Variants in SHISAL1 observed in about 807,000 individuals in gnomAD.
SHISAL1 encodes shisa like 1, also known as protein shisa-like-1.
Under a neutral mutation model 22.6 loss-of-function variants are expected in SHISAL1, and 9 were observed. The ratio of observed to expected loss-of-function variants is 0.40; its 90% CI spans 0.24 to 0.70. The LOEUF is 0.70. Among genes scored for constraint, SHISAL1 ranks in the 30% least tolerant of loss-of-function variants. SHISAL1 has a pLI of 0.39. For missense variants in SHISAL1, 246 were observed against 270.6 expected (o/e 0.91, Z 0.64); for synonymous variants, 119 against 115.4 (o/e 1.03, Z -0.20).
intron 3 of SHISAL1, among the ~76,000 whole-genome samples, chr22:44,292,637 G>T (rs2055360455): frequency 6.6e-6 from 1 of 152,176 alleles, no homozygotes; most frequent in Non-Finnish European, 1.5e-5. Flanking sequence ...GCACACAGAG[G>T]CCCTCTCCAG....
intron 3 of SHISAL1, among the ~76,000 whole-genome samples, chr22:44,293,987 G>A (rs532385202): frequency 6.6e-6 from 1 of 152,164 alleles, no homozygotes; most frequent in African/African-American, 2.4e-5. Flanking sequence ...GAAACTTGTG[G>A]GCTTCAAAAT....
At chr22:44,265,009 C>T (rs969270330) in intron 4 of SHISAL1, among the ~76,000 whole-genome samples, 10 of 144,024 alleles carry the variant, frequency 6.9e-5, no homozygotes, top group African/African-American at 2.7e-4. Flanking sequence ...CAACAGAGAC[C>T]CCAACACACA....
upstream of SHISAL1, among the ~76,000 whole-genome samples, chr22:44,316,095 T>C (rs1429715349): frequency 1.3e-5 from 2 of 152,124 alleles, no homozygotes; most frequent in East Asian, 3.9e-4. Context: ...GGACATGTCA[T>C]TCTGTGACTT....
At chr22:44,284,206 C>A (rs2055295527) in intron 4 of SHISAL1, among the ~76,000 whole-genome samples, 1 of 152,004 alleles carries the variant, frequency 6.6e-6, no homozygotes, top group South Asian at 2.1e-4. Flanking sequence ...GCTATGTGAA[C>A]GATCACTAAC....
chr22:44,288,683 C>T (rs1455262900), intron 3 of SHISAL1, among the ~76,000 whole-genome samples: 1 of 151,722 alleles, frequency 6.6e-6, no homozygotes, highest in Non-Finnish European at 1.5e-5. Context: ...TGCTCCAGCC[C>T]AACATCTCTC....
intron 1 of SHISAL1, among the ~76,000 whole-genome samples, chr22:44,307,201 C>T (rs1341838889): frequency 6.6e-6 from 1 of 152,038 alleles, no homozygotes; most frequent in Non-Finnish European, 1.5e-5. Context: ...CCGAGGCTGG[C>T]TCACTCTGCC....
At chr22:44,250,532 G>A (rs1375245407) in intron 4 of SHISAL1, among the ~76,000 whole-genome samples, 2 of 152,146 alleles carry the variant, frequency 1.3e-5, no homozygotes, top group Non-Finnish European at 2.9e-5. Context: ...GAACCCCACT[G>A]CCCTGTGTCT....
chr22:44,302,184 T>C (rs887483360), intron 1 of SHISAL1, among the ~76,000 whole-genome samples: 7 of 151,452 alleles, frequency 4.6e-5, no homozygotes, highest in Non-Finnish European at 1.0e-4. Context: ...CTACGAAAAA[T>C]ACAAAATTAG....
intron 4 of SHISAL1, 131 bp downstream of exon 4, chr22:44,285,297 G>T: frequency 2.0e-6 from 2 of 1,020,558 alleles, no homozygotes; most frequent in African/African-American, 1.6e-5. Flanking sequence ...ATTTTTCTTG[G>T]CAAACAACAA....
At chr22:44,262,228 G>C (rs2055129918) in intron 4 of SHISAL1, among the ~76,000 whole-genome samples, 1 of 152,238 alleles carries the variant, frequency 6.6e-6, no homozygotes, top group Non-Finnish European at 1.5e-5. Context: ...ACTCCAGGCG[G>C]ACGGAACAGC....
At chr22:44,308,714 C>T (rs1302744339) in intron 1 of SHISAL1, among the ~76,000 whole-genome samples, 1 of 152,212 alleles carries the variant, frequency 6.6e-6, no homozygotes, top group Non-Finnish European at 1.5e-5. Context: ...CTCTGTGCAG[C>T]GTGCCTGGTT....
intron 4 of SHISAL1, among the ~76,000 whole-genome samples, chr22:44,253,425 A>T (rs13055113): frequency 2.8e-5 from 3 of 107,876 alleles, no homozygotes; most frequent in South Asian, 3.3e-4. Flanking sequence ...GTATTAGTGC[A>T]TGTTTTTTTT....
At chr22:44,305,727 C>T (rs2055466067) in intron 1 of SHISAL1, among the ~76,000 whole-genome samples, 2 of 152,220 alleles carry the variant, frequency 1.3e-5, no homozygotes, top group African/African-American at 4.8e-5. Context: ...CTGGGCTTTC[C>T]TTGGGGGTCT....
At position 44,249,485 on chromosome 22, in the gene SHISAL1, C is replaced by A; in HGVS notation, c.*200G>T. The A allele has an allele frequency of 4.0e-6, 2 of 496,876 alleles. No homozygotes were observed. Among genetic ancestry groups the A allele is most frequent in the Non-Finnish European group, 7.5e-6 (2 of 268,406 alleles). The allele number at this position is 496,876 out of a possible 1,614,324, so 30.8% of individuals were successfully genotyped here. ...GTGGCTCAGAATCCCCTCCCCTGCA[C>A]CCCCAGCCCCTACCCCTGAGTTTGC... On this transcript the variant is annotated 3_prime_UTR_variant, in exon 5 of 5. Coordinates refer to ENST00000381176, the MANE Select transcript of SHISAL1 (RefSeq NM_001099294.2).
intron 3 of SHISAL1, among the ~76,000 whole-genome samples, chr22:44,290,529 C>CAAA (rs546640216): frequency 7.4e-4 from 62 of 84,268 alleles, no homozygotes; most frequent in East Asian, 4.7e-3. Context: ...AACTCAGTCT[C>CAAA]AAAAAAAAAA....
At chr22:44,328,715 C>G in the SHISAL1 span, among the ~76,000 whole-genome samples, 1 of 152,138 alleles carries the variant, frequency 6.6e-6, no homozygotes, top group Non-Finnish European at 1.5e-5. Context: ...CCTGTGCCCA[C>G]CTCAACCATG....
the SHISAL1 span, among the ~76,000 whole-genome samples, chr22:44,324,009 G>A: frequency 2.6e-5 from 4 of 152,208 alleles, no homozygotes; most frequent in African/African-American, 7.2e-5. Flanking sequence ...GAGAGGTGCT[G>A]TAATTTGTCC....
chr22:44,283,259 G>C (rs2055289092), intron 4 of SHISAL1, among the ~76,000 whole-genome samples: 1 of 152,210 alleles, frequency 6.6e-6, no homozygotes, highest in Non-Finnish European at 1.5e-5. Context: ...TCCTGAGCCT[G>C]CACTCAGGAC....
chr22:44,247,840 T>C lies in SHISAL1; in HGVS notation c.*1845A>G, dbSNP rs113259439. 6,842 of 148,866 alleles carry C rather than the reference T, an allele frequency of 0.046. 514 individuals carry two copies. The highest frequency in any genetic ancestry group is 0.16 in the African/African-American group (6,444 of 40,192). 9.2% of individuals were successfully genotyped at this position (148,866 alleles called of 1,614,324 possible). On this transcript the variant is annotated 3_prime_UTR_variant, in exon 5 of 5. Coordinates refer to ENST00000381176, the MANE Select transcript of SHISAL1 (RefSeq NM_001099294.2). ...CCAGAGCTGGGCACTATCACCCTCA[T>C]CTCCTTCTGCCTTCCCTCTGGGTCC... is the stretch of plus-strand genomic sequence containing the variant.
Sources: gnomAD v4.1 joint callset for allele counts (sites outside exome capture counted in the v4.1 genomes callset) on GRCh38, gnomAD v4.1.1 for gene constraint, MANE v1.5 for transcripts, NCBI Gene and HGNC (gene_info 2026-07-23, HGNC 2026-07-21) for gene names.